Variants in UNC5D observed in about 807,000 individuals in gnomAD.
UNC5D encodes unc-5 netrin receptor D, also known as netrin receptor UNC5D.
A neutral mutation model predicts 105.4 loss-of-function variants in UNC5D; 39 were observed. That is an observed-to-expected ratio of 0.37 (90% CI 0.29 to 0.48). UNC5D has a LOEUF of 0.48. UNC5D is among the 20% of genes least tolerant of loss of function. The pLI, the probability that UNC5D is intolerant of heterozygous loss-of-function variation, is 0.98. For synonymous variants in UNC5D, 452 were observed against 450.4 expected (o/e 1.00, Z -0.04); for missense variants, 991 against 1,202.4 (o/e 0.82, Z 2.60).
At chr8:35,542,381 T>C (rs1169378298) in intron 1 of UNC5D, among the ~76,000 whole-genome samples, 1 of 152,236 alleles carries the variant, frequency 6.6e-6, no homozygotes, top group East Asian at 1.9e-4. Context: ...TTTCCTGCTA[T>C]GGCTTTCTGC....
At position 35,540,696 on chromosome 8, in the gene UNC5D, G is replaced by A. The variant is rs577964675; in HGVS notation, c.104-8596G>A. Among the ~76,000 whole-genome samples the A allele has an allele frequency of 2.0e-5, 3 of 152,264 alleles. No individual in the cohort carries two copies. The East Asian group carries it at 5.8e-4, about 29-fold the overall frequency. ...TCCATTAGGGGACAAAGCTGTATCT[G>A]CCATCATAACTGGTGTAGAATCTCT... On this transcript the variant is annotated intron_variant, in intron 1 of 16. Transcript: ENST00000404895.
intron 4 of UNC5D, among the ~76,000 whole-genome samples, chr8:35,619,945 C>T (rs1821258157): frequency 1.3e-5 from 2 of 152,120 alleles, no homozygotes; most frequent in East Asian, 3.9e-4. Context: ...GCAGTGTGGC[C>T]CAGCCCTAGC....
At chr8:35,699,493 TAGA>T (rs1315974310) in intron 7 of UNC5D, among the ~76,000 whole-genome samples, 1 of 152,150 alleles carries the variant, frequency 6.6e-6, no homozygotes, top group Non-Finnish European at 1.5e-5. Context: ...TCTCAACTCA[TAGA>T]AGTTGTTATT....
chr8:35,673,267 G>T (rs886627043), intron 4 of UNC5D, among the ~76,000 whole-genome samples: 1 of 152,140 alleles, frequency 6.6e-6, no homozygotes, highest in Non-Finnish European at 1.5e-5. Flanking sequence ...GAGAGGACAG[G>T]TGACATCTAA....
At chr8:35,744,110 G>A (rs61032008) in intron 11 of UNC5D, among the ~76,000 whole-genome samples, 12,401 of 152,232 alleles carry the variant, frequency 0.081, 1,420 homozygotes, top group African/African-American at 0.26. Flanking sequence ...GTGCAGGTGA[G>A]TTATTTTACA....
chr8:35,530,892 A>G (rs1814312593), intron 1 of UNC5D, among the ~76,000 whole-genome samples: 1 of 135,218 alleles, frequency 7.4e-6, no homozygotes. Context: ...TGGTGGTGAT[A>G]TCCCCTTTAT....
chr8:35,254,522 G>A (rs577473882), intron 1 of UNC5D: 1 of 152,118 alleles, frequency 6.6e-6, no homozygotes, highest in Non-Finnish European at 1.5e-5. Context: ...GTAGGTCCAA[G>A]ACCATTACAC....
chr8:35,521,741 C>T (rs1392423286), intron 1 of UNC5D, among the ~76,000 whole-genome samples: 1 of 152,156 alleles, frequency 6.6e-6, no homozygotes, highest in Admixed American at 6.5e-5. Flanking sequence ...GAAGATTATT[C>T]TTCCTTCCGA....
intron 1 of UNC5D, among the ~76,000 whole-genome samples, chr8:35,344,735 C>T (rs1007460929): frequency 6.6e-6 from 1 of 152,024 alleles, no homozygotes; most frequent in Admixed American, 6.6e-5. Context: ...TCTTAGTACC[C>T]TGATGCTTCA....
At chr8:35,449,539 TACAATAAGCCAAA>T (rs1563429587) in intron 1 of UNC5D, among the ~76,000 whole-genome samples, 1 of 152,176 alleles carries the variant, frequency 6.6e-6, no homozygotes, top group East Asian at 1.9e-4. Flanking sequence ...TGCTGTTCAA[TACAATAAGCCAAA>T]ACAATAAGCA....
intron 1 of UNC5D, among the ~76,000 whole-genome samples, chr8:35,545,134 G>T (rs1195510681): frequency 6.6e-6 from 1 of 152,206 alleles, no homozygotes; most frequent in East Asian, 1.9e-4. Context: ...GTAAAGTGGA[G>T]TTGTGGCATA....
chr8:35,547,796 A>C (rs1815809711), intron 1 of UNC5D, among the ~76,000 whole-genome samples: 1 of 152,134 alleles, frequency 6.6e-6, no homozygotes, highest in African/African-American at 2.4e-5. Flanking sequence ...TGAGTGCATT[A>C]GTCAGGGTTC....
intron 1 of UNC5D, among the ~76,000 whole-genome samples, chr8:35,515,096 ACT>A (rs1284627713): frequency 1.3e-5 from 2 of 152,146 alleles, no homozygotes; most frequent in Non-Finnish European, 2.9e-5. Context: ...ACACAAACAC[ACT>A]CACATAGTTC....
intron 7 of UNC5D, among the ~76,000 whole-genome samples, chr8:35,703,122 A>C (rs1234321982): frequency 6.6e-6 from 1 of 151,988 alleles, no homozygotes; most frequent in Non-Finnish European, 1.5e-5. Context: ...AAGAATCCCC[A>C]AAATTCACTA....
intron 11 of UNC5D, among the ~76,000 whole-genome samples, chr8:35,740,686 A>C (rs900157530): frequency 6.6e-6 from 1 of 152,146 alleles, no homozygotes; most frequent in African/African-American, 2.4e-5. Context: ...GGTTTGGAGA[A>C]TATATCCCAG....
At chr8:35,589,297 C>T (rs1358405047) in intron 3 of UNC5D, among the ~76,000 whole-genome samples, 1 of 151,752 alleles carries the variant, frequency 6.6e-6, no homozygotes, top group Non-Finnish European at 1.5e-5. Context: ...TATGAATGCA[C>T]CAAAAAATTA....
At chr8:35,551,496 A>C (rs956271575) in intron 2 of UNC5D, among the ~76,000 whole-genome samples, 32 of 152,134 alleles carry the variant, frequency 2.1e-4, no homozygotes, top group African/African-American at 7.5e-4. Context: ...TTCAGAAGAC[A>C]GGGATAGGAG....
At chr8:35,373,094 C>G (rs557627101) in intron 1 of UNC5D, among the ~76,000 whole-genome samples, 2 of 152,282 alleles carry the variant, frequency 1.3e-5, no homozygotes, top group African/African-American at 4.8e-5. Context: ...CTTTGATATC[C>G]TTTCCTGAAG....
At chr8:35,428,638 C>T (rs900564926) in intron 1 of UNC5D, among the ~76,000 whole-genome samples, 1 of 152,146 alleles carries the variant, frequency 6.6e-6, no homozygotes, top group African/African-American at 2.4e-5. Context: ...TCCCCATAAA[C>T]TTTTGTTAGA....
Sources: allele counts gnomAD v4.1 joint callset (sites outside exome capture counted in the v4.1 genomes callset), GRCh38; gene constraint gnomAD v4.1.1; transcripts MANE v1.5; gene names NCBI Gene and HGNC (gene_info 2026-07-23, HGNC 2026-07-21).